The following CCSER2 variants were observed in gnomAD, a reference collection of about 807,000 sequenced individuals.
CCSER2 encodes serine-rich coiled-coil domain-containing protein 2.
A neutral mutation model predicts 92.3 loss-of-function variants in CCSER2; 46 were observed. The ratio of observed to expected loss-of-function variants is 0.50; its 90% confidence interval spans 0.39 to 0.64. CCSER2 has a LOEUF of 0.64. Among genes scored for constraint, CCSER2 ranks in the 30% least tolerant of loss-of-function variants. The probability of loss-of-function intolerance (pLI) is 0.00; values close to 1 mark genes in which losing one functional copy is unlikely to be tolerated. For synonymous variants in CCSER2, 433 were observed against 431.4 expected (o/e 1.00, Z -0.04); for missense variants, 1,244 against 1,238.9 (o/e 1.00, Z -0.06).
rs1846208788 is a variant in CCSER2, at chr10:84,463,296, A to G, written c.2065-637A>G. 2.0e-5 allele frequency among the ~76,000 whole-genome samples: 3 copies of G among 152,266 alleles called. No individual in the cohort carries two copies. In the South Asian group the frequency reaches 6.2e-4, roughly 32 times the overall value. On this transcript the variant is annotated intron_variant, in intron 6 of 9. Coordinates refer to ENST00000372088, the MANE Select transcript of CCSER2 (RefSeq NM_001284240.2). ...AAGCTTTTCATATGTATGTTTAACT[A>G]CCGTACACTCAGGACATAGAACATT...
intron 9 of CCSER2, among the ~76,000 whole-genome samples, chr10:84,488,191 C>T (rs1847924496): frequency 6.6e-6 from 1 of 152,122 alleles, no homozygotes; most frequent in Non-Finnish European, 1.5e-5. Flanking sequence ...GGATATTGGT[C>T]TAAAATTCTC....
At chr10:84,440,114 GGTA>G (rs1490888570) in intron 6 of CCSER2, among the ~76,000 whole-genome samples, 4 of 152,102 alleles carry the variant, frequency 2.6e-5, no homozygotes, top group Non-Finnish European at 5.9e-5. Flanking sequence ...GCATAATTCA[GGTA>G]GTAGTAGGTG....
chr10:84,333,941 G>A (rs1231576305), intron 1 of CCSER2, among the ~76,000 whole-genome samples: 2 of 152,198 alleles, frequency 1.3e-5, no homozygotes, highest in Non-Finnish European at 2.9e-5. Context: ...GTCAAAGATA[G>A]GGACTGAGTA....
At chr10:84,343,796 G>A (rs1844332075) in intron 1 of CCSER2, among the ~76,000 whole-genome samples, 1 of 152,182 alleles carries the variant, frequency 6.6e-6, no homozygotes, top group Non-Finnish European at 1.5e-5. Context: ...CTAGAAAAGA[G>A]ATTAAAAGTT....
chr10:84,385,833 C>G (rs1388014013), intron 3 of CCSER2, among the ~76,000 whole-genome samples: 1 of 151,850 alleles, frequency 6.6e-6, no homozygotes, highest in African/African-American at 2.4e-5. Context: ...TATTTCCAAA[C>G]CATGCATCTG....
At chr10:84,386,787 A>G (rs1192581823) in intron 3 of CCSER2, among the ~76,000 whole-genome samples, 1 of 152,180 alleles carries the variant, frequency 6.6e-6, no homozygotes, top group African/African-American at 2.4e-5. Flanking sequence ...CTTTGTAGCA[A>G]CATGGACAGA....
At chr10:84,388,160 T>C (rs1841329104) in intron 3 of CCSER2, among the ~76,000 whole-genome samples, 1 of 152,244 alleles carries the variant, frequency 6.6e-6, no homozygotes, top group Non-Finnish European at 1.5e-5. Context: ...CCTGGGCTTT[T>C]CTTCAGTAAA....
chr10:84,436,651 AAGG>A (rs1322401825), intron 5 of CCSER2, among the ~76,000 whole-genome samples: 1 of 151,678 alleles, frequency 6.6e-6, no homozygotes, highest in African/African-American at 2.4e-5. Context: ...AAAAAAAAAA[AAGG>A]AAGTCACTAG....
At chr10:84,393,869 G>T (rs2133274050) in intron 3 of CCSER2, 1 of 152,222 alleles carries the variant, frequency 6.6e-6, no homozygotes, top group African/African-American at 2.4e-5. Context: ...GGTAGTGGAG[G>T]GACAGCTTAT....
intron 4 of CCSER2, among the ~76,000 whole-genome samples, chr10:84,420,893 A>G (rs1281916805): frequency 6.9e-6 from 1 of 145,900 alleles, no homozygotes; most frequent in Non-Finnish European, 1.5e-5. Flanking sequence ...AGATCACGCT[A>G]CTGCACTCCA....
At chr10:84,436,901 G>C (rs1326143060) in intron 5 of CCSER2, among the ~76,000 whole-genome samples, 1 of 152,072 alleles carries the variant, frequency 6.6e-6, no homozygotes, top group East Asian at 1.9e-4. Context: ...TTTGTTAAAA[G>C]CTAGAAAATT....
chr10:84,407,034 G>A (rs1330657300), intron 3 of CCSER2, among the ~76,000 whole-genome samples: 4 of 152,174 alleles, frequency 2.6e-5, no homozygotes, highest in Admixed American at 2.6e-4. Flanking sequence ...GCAGATGTTA[G>A]AATTCAGTAA....
At chr10:84,344,248 A>C (rs751835700) in intron 1 of CCSER2, among the ~76,000 whole-genome samples, 57 of 152,192 alleles carry the variant, frequency 3.7e-4, no homozygotes, top group Non-Finnish European at 7.1e-4. Flanking sequence ...CCAGATTTGC[A>C]GTATTTTCTA....
At chr10:84,330,987 C>G (rs1353887875) in intron 1 of CCSER2, among the ~76,000 whole-genome samples, 1 of 152,156 alleles carries the variant, frequency 6.6e-6, no homozygotes, top group Non-Finnish European at 1.5e-5. Context: ...TGCCCCCAGT[C>G]TCCTAATTCT....
chr10:84,420,444 G>A (rs1425545929), intron 4 of CCSER2, among the ~76,000 whole-genome samples: 3 of 152,172 alleles, frequency 2.0e-5, no homozygotes, highest in Non-Finnish European at 4.4e-5. Flanking sequence ...GGTACTATAG[G>A]AAAGTGGGAA....
At chr10:84,390,690 A>T (rs1841471711) in intron 3 of CCSER2, among the ~76,000 whole-genome samples, 1 of 152,176 alleles carries the variant, frequency 6.6e-6, no homozygotes, top group Admixed American at 6.5e-5. Context: ...TTCTTATTTG[A>T]TTAACTTCCA....
At chr10:84,389,463 T>C (rs1841404642) in intron 3 of CCSER2, 1 of 365,810 alleles carries the variant, frequency 2.7e-6, no homozygotes, top group Non-Finnish European at 5.4e-6. Context: ...TGGGCCTGTC[T>C]ATTCTGAATA....
intron 9 of CCSER2, among the ~76,000 whole-genome samples, chr10:84,506,191 A>G (rs1001101343): frequency 1.3e-5 from 2 of 151,822 alleles, no homozygotes; most frequent in African/African-American, 4.8e-5. Context: ...TAGAAAAGCC[A>G]TTGAACTCTT....
intron 9 of CCSER2, among the ~76,000 whole-genome samples, chr10:84,508,993 C>G (rs1849212720): frequency 6.6e-6 from 1 of 152,146 alleles, no homozygotes; most frequent in Non-Finnish European, 1.5e-5. Flanking sequence ...CAACCTATTT[C>G]TAGTCTTCAG....
Sources: allele counts gnomAD v4.1 joint callset (sites outside exome capture counted in the v4.1 genomes callset), GRCh38; gene constraint gnomAD v4.1.1; transcripts MANE v1.5; gene names NCBI Gene and HGNC (gene_info 2026-07-23, HGNC 2026-07-21).